Variants in EP400 observed in about 807,000 individuals in gnomAD.
The protein encoded by EP400 is E1A-binding protein p400.
EP400 carries 105 observed loss-of-function variants against 354.1 expected under a neutral mutation model. The ratio of observed to expected loss-of-function variants is 0.30; its 90% CI spans 0.25 to 0.35. EP400 has a LOEUF of 0.35. Among genes scored for constraint, EP400 ranks in the 10% least tolerant of loss-of-function variants. EP400 has a pLI of 1.00. For synonymous variants in EP400, 1,646 were observed against 1,716.9 expected, an observed-to-expected ratio of 0.96 and a Z score of 1.02; for missense variants, 3,280 against 4,121.0, an observed-to-expected ratio of 0.80 and a Z score of 5.59.
intron 30 of EP400, among the ~76,000 whole-genome samples, chr12:132,033,910 C>T (rs1430434292): frequency 6.6e-6 from 1 of 152,098 alleles, no homozygotes; most frequent in African/African-American, 2.4e-5. Flanking sequence ...TATTATTTTT[C>T]TTGCTATAAA....
intron 31 of EP400, 35 bp downstream of exon 31, chr12:132,037,828 C>A (rs537661451): frequency 5.0e-6 from 8 of 1,611,964 alleles, no homozygotes; most frequent in Middle Eastern, 1.6e-4. Context: ...TGAGGTGAGA[C>A]CCGCCATGCG....
rs753729122 is a variant in EP400, at chr12:131,982,349, T to G, written c.1800T>G (p.Asn600Lys). 6.2e-7 allele frequency: 1 copy of G among 1,614,008 alleles called. No homozygotes were observed. Among genetic ancestry groups the G allele is most frequent in the African/African-American group, 1.3e-5 (1 of 74,908 alleles). ...TCCCGGTGAAGACTCAGCAGCCCAA[T>G]GTTCCCATCCCTGCACCGCCCAGCA... ...LQIPVKTQQP[N>K]VPIPAPPSSQ... The change falls in exon 5 of 53, where the codon AAT becomes AAG. Residue 600 changes from asparagine (N) to lysine (K), a missense_variant. Coordinates refer to ENST00000389561, the MANE Select transcript of EP400 (RefSeq NM_015409.5).
chr12:131,986,704 C>T lies in EP400; in HGVS notation c.2120C>T (p.Pro707Leu), dbSNP rs1369357089. ...CTATCTCCAGTCACTTCCCGGACCCCAGGGGTGGTGGCATCTGCCCCCACC... is the reference window on the plus strand; with the variant it reads ...CTATCTCCAGTCACTTCCCGGACCCTAGGGGTGGTGGCATCTGCCCCCACC... The part of the protein sequence containing the change: ...KALSPVTSRT[P>L]GVVASAPTKP... Residue 707 changes from proline (P) to leucine (L), a missense_variant, in exon 6 of 53, where the codon CCA (proline) becomes CTA (leucine). Physicochemically the swap from Pro to Leu is moderately conservative, Grantham distance 98. Coordinates refer to ENST00000389561, the MANE Select transcript of EP400 (RefSeq NM_015409.5). 1 of 1,614,236 alleles carries T rather than the reference C, an allele frequency of 6.2e-7. No homozygotes were observed.
Position 132,011,699 on chromosome 12 carries a change from C to G in EP400, c.3441+65C>G, listed in dbSNP as rs1170095106. The G allele has an allele frequency of 4.0e-5, 61 of 1,520,446 alleles. 1 individual carries two copies. Among genetic ancestry groups the G allele is most frequent in the Non-Finnish European group, 3.6e-5 (41 of 1,130,670 alleles). 94.2% of individuals were successfully genotyped at this position (1,520,446 alleles called of 1,614,324 possible). A position where few individuals can be genotyped will look rare whatever the true frequency, so the allele number is the denominator to read the frequency against. On this transcript the variant is annotated intron_variant, in intron 16 of 52. Coordinates refer to ENST00000389561, the MANE Select transcript of EP400 (RefSeq NM_015409.5). ...GCCATGTTAATTTTTATAAAAGACA[C>G]ATTAAAAAATGTGAAGACATGCTTA...
chr12:132,021,256 C>T lies in EP400; in HGVS notation c.4625C>T (p.Ala1542Val), dbSNP rs989974636. The T allele has an allele frequency of 1.8e-5, 27 of 1,541,890 alleles. No homozygotes were observed. The highest frequency in any genetic ancestry group is 7.1e-5 in the East Asian group (3 of 42,348). The change falls in exon 23 of 53, where the codon GCG becomes GTG. Residue 1542 changes from alanine (A) to valine (V), a missense_variant. Ala to Val is a moderately conservative substitution (Grantham distance 64, BLOSUM62 0). Around this residue, in one of 20 missense-constraint regions of EP400, gnomAD observed 342 missense variants for 342.7 expected, o/e 1.00. Transcript: ENST00000389561. ...CCCCAGCCCCAGGCCCCCTCGCACGCGGCCGGGCAGAGCGCGCTGCCTCAG... is the reference window on the plus strand; with the variant it reads ...CCCCAGCCCCAGGCCCCCTCGCACGTGGCCGGGCAGAGCGCGCTGCCTCAG... ...PPPQPQAPSH[A>V]AGQSALPQRL...
intron 50 of EP400, chr12:132,068,261 G>T (rs1414491642): frequency 6.6e-6 from 1 of 152,646 alleles, no homozygotes; most frequent in Non-Finnish European, 1.5e-5. Flanking sequence ...CCACATGGCT[G>T]TGTGGGGAGC....
In EP400 at chr12:132,011,538, C is replaced by T. The variant is rs1893765223; in HGVS notation, c.3345C>T (p.Asn1115=). 6.2e-7 allele frequency: 1 copy of T among 1,614,046 alleles called. No individual in the cohort carries two copies. Among genetic ancestry groups the T allele is most frequent in the South Asian group, 1.1e-5 (1 of 91,034 alleles). Residue 1115 remains asparagine, a synonymous_variant, in exon 16 of 53, where the codon AAC becomes AAT. Coordinates refer to ENST00000389561, the MANE Select transcript of EP400 (RefSeq NM_015409.5). The stretch of plus-strand genomic sequence containing the variant: ...ATCTTGTTGTTGTGAGAAGTTGTAA[C>T]ATACTCAAGTGGGAGCTTGAATTGA... ...GPHLVVVRSC[N]ILKWELELKR...
chr12:131,990,907 G>T lies in EP400; in HGVS notation c.2629+193G>T, dbSNP rs559439415. ...TTCAGTGCTTTTGAGATGTGCTAGTGTGAGTCAGCACCCCCAAGTTGATAA... is the reference window on the plus strand; with the variant it reads ...TTCAGTGCTTTTGAGATGTGCTAGTTTGAGTCAGCACCCCCAAGTTGATAA... On this transcript the variant is annotated intron_variant, in intron 9 of 52. Coordinates refer to ENST00000389561, the MANE Select transcript of EP400 (RefSeq NM_015409.5). This position sits in a 1 kb window ranked among gnomAD's most constrained non-coding sequence, Gnocchi z 4.2. 2.0e-4 allele frequency among the ~76,000 whole-genome samples: 31 copies of T among 152,286 alleles called. No individual in the cohort carries two copies. The highest frequency in any genetic ancestry group is 7.4e-5 in the Non-Finnish European group (5 of 68,024).
chr12:132,005,983 A>G (rs1262452100), intron 13 of EP400, 129 bp from the exon 14 acceptor site: 1 of 857,718 alleles, frequency 1.2e-6, no homozygotes, highest in Non-Finnish European at 1.8e-6. Flanking sequence ...GATTACAAAT[A>G]AAAAATTATT....
At chr12:131,950,885 C>T (rs992175759) in intron 1 of EP400, among the ~76,000 whole-genome samples, 9 of 152,258 alleles carry the variant, frequency 5.9e-5, no homozygotes, top group South Asian at 4.1e-4. Context: ...CCATGCCCGG[C>T]TCACTTTTTA....
rs527284051 is a variant in EP400 at position 131,981,468 on chromosome 12, C to T, written c.1436-21C>T. The T allele has an allele frequency of 6.6e-5, 101 of 1,534,064 alleles. No homozygotes were observed. The South Asian group carries it at 1.1e-3, about 17-fold the overall frequency. On this transcript the variant is annotated intron_variant, in intron 3 of 52. Transcript: ENST00000389561. ...GTTTTATTTTTACATCAAACTGCAC[C>T]TTTTTTGAAAATTATTCTAGAGCAG...
At chr12:131,995,003 A>G (rs756214755) in intron 12 of EP400, 47 bp downstream of exon 12, 5 of 1,533,278 alleles carry the variant, frequency 3.3e-6, no homozygotes, top group Non-Finnish European at 4.5e-6. Context: ...AAAAAGAAAC[A>G]TTTAAAACAT....
At position 132,027,513 on chromosome 12, in the gene EP400, C is replaced by T. The variant is rs764194992; in HGVS notation, c.5091C>T (p.Pro1697=). The T allele has an allele frequency of 6.2e-7, 1 of 1,612,890 alleles. No individual in the cohort carries two copies. Among genetic ancestry groups the T allele is most frequent in the South Asian group, 1.1e-5 (1 of 90,946 alleles). The stretch of plus-strand genomic sequence containing the variant: ...GAACGGCCTCCAAACCAGCTTCTCC[C>T]ATTGGAGGGCCGACCCAGGTAAGCA... The part of the protein sequence containing the change: ...EPGTASKPAS[P]IGGPTQEEKT... The change falls in exon 26 of 53, where the codon CCC becomes CCT. Residue 1697 remains proline, a synonymous_variant. Transcript: ENST00000389561. The surrounding 1 kb of genome is among the most constrained non-coding windows in gnomAD (Gnocchi z 4.9).
At chr12:132,064,418 A>C (rs1265646224) in intron 47 of EP400, among the ~76,000 whole-genome samples, 3 of 152,234 alleles carry the variant, frequency 2.0e-5, no homozygotes, top group Non-Finnish European at 4.4e-5. Context: ...AGGATAATAG[A>C]ATTCTTTTTG....
chr12:132,058,865 C>T (rs1241896887), intron 45 of EP400, among the ~76,000 whole-genome samples: 1 of 151,310 alleles, frequency 6.6e-6, no homozygotes, highest in Non-Finnish European at 1.5e-5. Context: ...CAGCTCACTG[C>T]AGCCTCACAC....
intron 12 of EP400, among the ~76,000 whole-genome samples, chr12:131,996,973 C>G (rs534469736): frequency 6.6e-6 from 1 of 152,238 alleles, no homozygotes; most frequent in South Asian, 2.1e-4. Context: ...CAGCATACAG[C>G]AAGTCCTCAT....
chr12:131,950,448 C>G (rs1030585955), intron 1 of EP400, among the ~76,000 whole-genome samples: 1 of 152,158 alleles, frequency 6.6e-6, no homozygotes, highest in East Asian at 1.9e-4. Flanking sequence ...CCCTCGGGGT[C>G]ACGGACGCGA....
chr12:132,062,438 CA>C, intron 46 of EP400, 27 bp from the exon 47 acceptor site: 1 of 1,612,814 alleles, frequency 6.2e-7, no homozygotes, highest in Non-Finnish European at 8.5e-7. Flanking sequence ...TATCCCTGTC[CA>C]GACCTAATGA....
At chr12:131,991,519 C>T (rs1410217009) in intron 10 of EP400, 63 bp downstream of exon 10, 5 of 1,415,932 alleles carry the variant, frequency 3.5e-6, no homozygotes, top group African/African-American at 1.4e-5. Flanking sequence ...GTAGAGTGGG[C>T]CTTTTCATTC....
Sources: gnomAD v4.1 joint callset for allele counts (sites outside exome capture counted in the v4.1 genomes callset) on GRCh38, gnomAD v4.1.1 for gene constraint, gnomAD v4.1.1 regional missense constraint, Gnocchi (gnomAD v3.1) non-coding constraint, MANE v1.5 for transcripts, NCBI Gene and HGNC (gene_info 2026-07-23, HGNC 2026-07-21) for gene names.